The following ARHGEF3 variants were observed in gnomAD, a reference collection of about 807,000 sequenced individuals.
ARHGEF3 encodes Rho guanine nucleotide exchange factor 3, also known as 59.8 kDA protein.
A neutral mutation model predicts 63.2 loss-of-function variants in ARHGEF3; 28 were observed. The observed-to-expected ratio is 0.44, with a 90% CI of 0.33 to 0.61. The LOEUF (loss-of-function observed/expected upper bound fraction) is 0.61, where lower values mean the gene tolerates loss of function less well. Ranked by LOEUF, ARHGEF3 falls within the 20% of genes least tolerant of loss-of-function variation. The probability of loss-of-function intolerance (pLI) is 0.03; values close to 1 mark genes in which losing one functional copy is unlikely to be tolerated. For synonymous variants in ARHGEF3, 266 were observed against 254.2 expected (o/e 1.05, Z -0.44); for missense variants, 533 against 659.3 (o/e 0.81, Z 2.10).
At chr3:56,743,855 TCCTCCCAACTTGCA>T (rs1455760848) in intron 7 of ARHGEF3, among the ~76,000 whole-genome samples, 2 of 152,036 alleles carry the variant, frequency 1.3e-5, no homozygotes, top group Non-Finnish European at 2.9e-5. Flanking sequence ...CTGGACAGCA[TCCTCCCAACTTGCA>T]TCCCTATCAC....
intron 1 of ARHGEF3, among the ~76,000 whole-genome samples, chr3:57,049,719 TATGATGGCTGGGAAGGCAATTCCAACA>T (rs1009779333): frequency 4.6e-5 from 7 of 152,242 alleles, no homozygotes; most frequent in Admixed American, 3.9e-4. Flanking sequence ...AATCAGAAAC[TATGATGGCTGGGAAGGCAATTCCAACA>T]GAGAAACTAG....
chr3:56,757,551 C>T (rs933629307), intron 2 of ARHGEF3, among the ~76,000 whole-genome samples: 3 of 151,830 alleles, frequency 2.0e-5, no homozygotes, highest in Non-Finnish European at 2.9e-5. Context: ...AAAATGTAAA[C>T]ACCCCTTCTA....
chr3:56,882,151 A>T, intron 4 of ARHGEF3: 1 of 695,384 alleles, frequency 1.4e-6, no homozygotes, highest in Non-Finnish European at 2.3e-6. Context: ...TTTTTCAGTT[A>T]AAAAAAATTT....
chr3:56,843,362 C>T (rs2039378400), intron 4 of ARHGEF3, among the ~76,000 whole-genome samples: 1 of 152,076 alleles, frequency 6.6e-6, no homozygotes, highest in South Asian at 2.1e-4. Flanking sequence ...TGGGCTCAAA[C>T]GATCCCCCTG....
intron 3 of ARHGEF3, among the ~76,000 whole-genome samples, chr3:56,923,308 T>TAAAATAA (rs760647838): frequency 0.11 from 16,224 of 151,230 alleles, 1,206 homozygotes; most frequent in East Asian, 0.25. Flanking sequence ...AATTTTTCCA[T>TAAAATAA]AATAAAATAT....
In ARHGEF3 at chr3:56,882,487, A is replaced by G; in HGVS notation, c.130-133T>C. 4.5e-6 allele frequency: 3 copies of G among 663,108 alleles called. No homozygotes were observed. The South Asian group carries it at 5.4e-5, about 12-fold the overall frequency. The allele number at this position is 663,108 out of a possible 1,614,324, so 41.1% of individuals were successfully genotyped here. On this transcript the variant is annotated intron_variant, in intron 3 of 12. Transcript: ENST00000338458. ...ACCATGGTACCCAAAACCTTTAACCAAGCTATGTAAATGAACACTTCTTTT... is the reference window on the plus strand; with the variant it reads ...ACCATGGTACCCAAAACCTTTAACCGAGCTATGTAAATGAACACTTCTTTT...
intron 2 of ARHGEF3, among the ~76,000 whole-genome samples, chr3:57,010,296 T>C (rs571641462): frequency 1.6e-4 from 24 of 150,816 alleles, no homozygotes; most frequent in Non-Finnish European, 3.2e-4. Flanking sequence ...CTACTAAAAA[T>C]ACAAAAAAAA....
intron 3 of ARHGEF3, among the ~76,000 whole-genome samples, chr3:56,928,837 T>G (rs2042341163): frequency 6.6e-6 from 1 of 152,066 alleles, no homozygotes; most frequent in Admixed American, 6.6e-5. Flanking sequence ...GCCAGGACAG[T>G]AGACAGGCAG....
chr3:56,850,331 C>G (rs897978663), intron 4 of ARHGEF3, among the ~76,000 whole-genome samples: 3 of 152,210 alleles, frequency 2.0e-5, no homozygotes, highest in Non-Finnish European at 4.4e-5. Context: ...GGTTTCGAGA[C>G]CAGCCTGGCC....
At chr3:56,797,546 T>C (rs372487788) in intron 1 of ARHGEF3, among the ~76,000 whole-genome samples, 2 of 152,218 alleles carry the variant, frequency 1.3e-5, no homozygotes, top group African/African-American at 4.8e-5. Context: ...ACTAGTTTCA[T>C]GTGTGTTCAG....
intron 4 of ARHGEF3, among the ~76,000 whole-genome samples, chr3:56,821,077 G>A (rs1013736695): frequency 1.3e-5 from 2 of 151,898 alleles, no homozygotes; most frequent in African/African-American, 4.8e-5. Context: ...GAGCCTAGGA[G>A]ACAGAGGCTG....
At chr3:57,008,874 G>A in intron 2 of ARHGEF3, among the ~76,000 whole-genome samples, 1 of 152,190 alleles carries the variant, frequency 6.6e-6, no homozygotes, top group East Asian at 1.9e-4. Context: ...TTCAATTCCA[G>A]CTCAAAAATA....
At chr3:56,964,345 T>C (rs1237995557) in intron 2 of ARHGEF3, among the ~76,000 whole-genome samples, 1 of 109,756 alleles carries the variant, frequency 9.1e-6, no homozygotes, top group Non-Finnish European at 1.9e-5. Flanking sequence ...AGAGCAAGAC[T>C]GTCTCAAAAA....
chr3:56,955,454 C>T (rs1700003767), intron 3 of ARHGEF3, among the ~76,000 whole-genome samples: 1 of 152,176 alleles, frequency 6.6e-6, no homozygotes, highest in South Asian at 2.1e-4. Context: ...TCTCCTGCCT[C>T]AGCCTCCCAA....
intron 1 of ARHGEF3, among the ~76,000 whole-genome samples, chr3:57,036,977 C>T (rs1294347962): frequency 2.0e-5 from 3 of 152,220 alleles, no homozygotes; most frequent in Non-Finnish European, 4.4e-5. Context: ...CCCTTGTACC[C>T]CAAGGCGTTA....
At chr3:56,750,390 G>C (rs1394818064) in intron 6 of ARHGEF3, among the ~76,000 whole-genome samples, 1 of 152,070 alleles carries the variant, frequency 6.6e-6, no homozygotes, top group Non-Finnish European at 1.5e-5. Context: ...TAAGATCACA[G>C]CTTACTTCTT....
intron 4 of ARHGEF3, among the ~76,000 whole-genome samples, chr3:56,812,213 C>A (rs982429172): frequency 6.6e-6 from 1 of 152,088 alleles, no homozygotes; most frequent in African/African-American, 2.4e-5. Flanking sequence ...TGAGATGGGA[C>A]CAAAAAATAA....
intron 8 of ARHGEF3, among the ~76,000 whole-genome samples, chr3:56,733,140 G>A (rs146396033): frequency 0.056 from 8,504 of 151,806 alleles, 304 homozygotes; most frequent in South Asian, 0.15. Context: ...AAAATTAGCC[G>A]GGTGTGGTGG....
At chr3:56,893,811 C>CAAAAAAAAAAA (rs537483698) in intron 3 of ARHGEF3, among the ~76,000 whole-genome samples, 5 of 79,542 alleles carry the variant, frequency 6.3e-5, no homozygotes, top group African/African-American at 1.5e-4. Flanking sequence ...GACTCTGTCT[C>CAAAAAAAAAAA]AAAAAAAAAA....
Sources: gnomAD v4.1 joint callset for allele counts (sites outside exome capture counted in the v4.1 genomes callset) on GRCh38, gnomAD v4.1.1 for gene constraint, MANE v1.5 for transcripts, NCBI Gene and HGNC (gene_info 2026-07-23, HGNC 2026-07-21) for gene names.